Variants in LMF1 observed in about 807,000 individuals in gnomAD.
The protein encoded by LMF1 is transmembrane protein 112.
LMF1 carries 68 observed loss-of-function variants against 60.6 expected under a neutral mutation model. That is an observed-to-expected ratio of 1.12 (90% CI 0.92 to 1.37). LMF1 has a LOEUF of 1.37. LMF1 is among the 40% of genes most tolerant of loss of function. The probability of loss-of-function intolerance (pLI) is 0.00; values close to 1 mark genes in which losing one functional copy is unlikely to be tolerated. For missense variants in LMF1, 948 were observed against 767.2 expected, an observed-to-expected ratio of 1.24 and a Z score of -2.78; for synonymous variants, 418 against 324.7, an observed-to-expected ratio of 1.29 and a Z score of -3.09.
At chr16:879,824 C>T in intron 5 of LMF1, 87 bp from the exon 6 acceptor site, 3 of 1,334,422 alleles carry the variant, frequency 2.2e-6, no homozygotes, top group Non-Finnish European at 3.1e-6. Flanking sequence ...GGCCCCCTGA[C>T]CCCGGCTCCT....
Position 854,036 on chromosome 16 carries a change from T to G in LMF1, c.*496A>C, listed in dbSNP as rs1567125286. The G allele has an allele frequency of 2.2e-5, 10 of 454,596 alleles. No homozygotes were observed. The highest frequency in any genetic ancestry group is 6.2e-5 in the South Asian group (4 of 64,464). 28.2% of individuals were successfully genotyped at this position (454,596 alleles called of 1,614,324 possible). A position where few individuals can be genotyped will look rare whatever the true frequency, so the allele number is the denominator to read the frequency against. ...CTGGCCGGGCGTGTCCAGGTCCCTG[T>G]GGGGCGAGGGTTTGGCTGCCCCAGA... On this transcript the variant is annotated 3_prime_UTR_variant, in exon 11 of 11. Coordinates refer to ENST00000262301, the MANE Select transcript of LMF1 (RefSeq NM_022773.4).
rs552526212 is a variant in LMF1 at position 870,011 on chromosome 16, T to C, written c.1288A>G (p.Ser430Gly). The change falls in exon 9 of 11, where the codon AGC becomes GGC. Residue 430 changes from serine to glycine, a missense_variant. By Grantham distance (56) the Ser-to-Gly change is moderately conservative. Transcript: ENST00000262301. ...ILQGTASSNA[S>G]APDAMWEDYE... ...TCCTCCCACATGGCATCGGGGGCGC[T>C]GGCGTTGGAGCTGGCTGTGCCCTGC... 3 of 1,612,884 alleles carry C rather than the reference T, an allele frequency of 1.9e-6. No homozygotes were observed. The South Asian group carries it at 3.3e-5, about 18-fold the overall frequency.
Position 976,640 on chromosome 16 carries a change from C to T in LMF1, c.-135+4505G>A, listed in dbSNP as rs147467891. The T allele has an allele frequency of 7.4e-3, 3,345 of 454,014 alleles. 24 individuals carry two copies. Among genetic ancestry groups the T allele is most frequent in the Middle Eastern group, 0.012 (17 of 1,444 alleles). The allele number at this position is 454,014 out of a possible 1,614,324, so 28.1% of individuals were successfully genotyped here. On this transcript the variant is annotated intron_variant, in intron 1 of 6. Coordinates refer to the LMF1 transcript ENST00000570014. ...GCAGAGAGCAAATGCGTGCTGTTGG[C>T]GCCCCCCACCCCCACACTGAGAGTG...
At chr16:906,162 A>C (rs1354101289) in intron 4 of LMF1, among the ~76,000 whole-genome samples, 1 of 152,338 alleles carries the variant, frequency 6.6e-6, no homozygotes, top group South Asian at 2.1e-4. Flanking sequence ...TGGCTTGTCC[A>C]GGAATCATTT....
intron 2 of LMF1, among the ~76,000 whole-genome samples, chr16:953,147 C>T (rs377319417): frequency 5.4e-5 from 7 of 129,100 alleles, no homozygotes; most frequent in East Asian, 4.9e-4. Flanking sequence ...AGACACCCAC[C>T]CCAAACCAGC....
At chr16:896,900 T>C (rs1420974889) in intron 4 of LMF1, among the ~76,000 whole-genome samples, 1 of 152,184 alleles carries the variant, frequency 6.6e-6, no homozygotes, top group African/African-American at 2.4e-5. Context: ...TCTCTCTACA[T>C]TGCACATGTC....
At chr16:873,616 CCT>C (rs1555445708) in intron 6 of LMF1, 2 of 39,900 alleles carry the variant, frequency 5.0e-5, no homozygotes, top group East Asian at 8.1e-4. Flanking sequence ...CGAGGACATG[CCT>C]GTTCGCGGGG....
At position 917,429 on chromosome 16, in the gene LMF1, C is replaced by T. The variant is rs28715386; in HGVS notation, c.515-6350G>A. On this transcript the variant is annotated intron_variant, in intron 3 of 10. Transcript: ENST00000262301. ...CACGTGAAGAAATGCCACACGTGTG[C>T]GCTGCGGGCGGGCGCAGGCCCACGT... 7.4e-4 allele frequency among the ~76,000 whole-genome samples: 105 copies of T among 141,758 alleles called. 1 individual carries two copies. The East Asian group carries it at 0.02, about 27-fold the overall frequency. 93.0% of individuals were successfully genotyped at this position (141,758 alleles called of 152,430 possible).
chr16:889,303 C>CTGCCTTTCG (rs2070406372), intron 5 of LMF1, among the ~76,000 whole-genome samples: 1 of 152,066 alleles, frequency 6.6e-6, no homozygotes, highest in South Asian at 2.1e-4. Context: ...TTGCCGGCAA[C>CTGCCTTTCG]TGCCTTTCGT....
chr16:915,759 C>A (rs915538030), intron 3 of LMF1, among the ~76,000 whole-genome samples: 1 of 152,200 alleles, frequency 6.6e-6, no homozygotes, highest in Non-Finnish European at 1.5e-5. Flanking sequence ...CCGTGTGGGA[C>A]GAGAGACACG....
intron 2 of LMF1, among the ~76,000 whole-genome samples, chr16:940,541 C>T (rs554648006): frequency 1.3e-5 from 2 of 152,224 alleles, no homozygotes; most frequent in Admixed American, 1.3e-4. Context: ...GAATGCATAA[C>T]TTTAAAATAT....
chr16:971,061 C>G (rs1344469548), upstream of LMF1: 1 of 1,321,012 alleles, frequency 7.6e-7, no homozygotes, highest in Admixed American at 3.3e-5. Context: ...CTCTCCCTGG[C>G]CGGCCCTGCC....
intron 3 of LMF1, among the ~76,000 whole-genome samples, chr16:930,389 C>A (rs940427536): frequency 2.0e-5 from 3 of 152,330 alleles, no homozygotes; most frequent in Middle Eastern, 6.8e-3. Context: ...CACAGTGGGA[C>A]CCCATCTCCA....
At position 911,036 on chromosome 16, in the gene LMF1, G is replaced by T; in HGVS notation, c.558C>A (p.Phe186Leu). The T allele has an allele frequency of 1.9e-6, 3 of 1,613,032 alleles. No homozygotes were observed. Among genetic ancestry groups the T allele is most frequent in the Non-Finnish European group, 2.5e-6 (3 of 1,179,824 alleles). ...QLLETGFLGI[F>L]LCPLWTLSRL... ...TTGACAGCGTCCACAGAGGGCACAG[G>T]AAGATCCCCAGGAACCCCGTCTCCA... Residue 186 changes from phenylalanine (F) to leucine (L), a missense_variant, in exon 4 of 11, where the codon TTC (phenylalanine) becomes TTA (leucine). By Grantham distance (22) the Phe-to-Leu change is conservative. Coordinates refer to ENST00000262301, the MANE Select transcript of LMF1 (RefSeq NM_022773.4).
intron 4 of LMF1, among the ~76,000 whole-genome samples, chr16:910,404 A>C (rs556383396): frequency 6.6e-6 from 1 of 152,318 alleles, no homozygotes; most frequent in Non-Finnish European, 1.5e-5. Flanking sequence ...GAGACGTCAA[A>C]GCCAAGCAGG....
At chr16:977,526 C>T (rs985852502) in intron 1 of LMF1, among the ~76,000 whole-genome samples, 5 of 152,206 alleles carry the variant, frequency 3.3e-5, no homozygotes, top group African/African-American at 4.8e-5. Flanking sequence ...AACTGCCCCA[C>T]GGGTGCTCGG....
In LMF1 at chr16:954,484, G is replaced by C. The variant is rs199877073; in HGVS notation, c.376C>G (p.Leu126Val). The part of the protein sequence containing the change: ...LMDWSDMNSN[L>V]DLLALLGLGI... ...AGTCCGAGAAGAGCCAGCAAGTCCA[G>C]GTTGGAGTTCATGTCTGACCAGTCC... The change falls in exon 2 of 11, where the codon CTG becomes GTG. Residue 126 changes from leucine (L) to valine (V), a missense_variant. By Grantham distance (32) the Leu-to-Val change is conservative (BLOSUM62 1). Transcript: ENST00000262301. 2 of 1,612,908 alleles carry C rather than the reference G, an allele frequency of 1.2e-6. No homozygotes were observed. The highest frequency in any genetic ancestry group is 1.7e-6 in the Non-Finnish European group (2 of 1,179,608).
chr16:974,961 C>T (rs76981365), upstream of LMF1, among the ~76,000 whole-genome samples: 4,239 of 152,308 alleles, frequency 0.028, 135 homozygotes, highest in African/African-American at 0.079. Flanking sequence ...TCTGTTGCCT[C>T]CTCCTGGAAG....
chr16:951,130 C>CCGA (rs2072453338), intron 2 of LMF1, among the ~76,000 whole-genome samples: 1 of 57,428 alleles, frequency 1.7e-5, no homozygotes, highest in South Asian at 8.8e-4. Context: ...ACAGAGTCAG[C>CCGA]CGACAGAGTC....
Sources: gnomAD v4.1 joint callset for allele counts (sites outside exome capture counted in the v4.1 genomes callset) on GRCh38, gnomAD v4.1.1 for gene constraint, MANE v1.5 for transcripts, NCBI Gene and HGNC (gene_info 2026-07-23, HGNC 2026-07-21) for gene names.